NTM: variants seen among roughly 807,000 people sequenced by gnomAD.
NTM encodes the protein IgLON family member 2.
A neutral mutation model predicts 42.1 loss-of-function variants in NTM; 13 were observed. That is an observed-to-expected ratio of 0.31 (90% CI 0.20 to 0.49). NTM has a LOEUF of 0.49. Ranked by LOEUF, NTM falls within the 20% of genes least tolerant of loss-of-function variation. The probability of loss-of-function intolerance (pLI) is 0.99; values close to 1 mark genes in which losing one functional copy is unlikely to be tolerated. For synonymous variants in NTM, 187 were observed against 179.2 expected, an observed-to-expected ratio of 1.04 and a Z score of -0.35; for missense variants, 373 against 452.8, an observed-to-expected ratio of 0.82 and a Z score of 1.60.
intron 4 of NTM, among the ~76,000 whole-genome samples, chr11:132,233,221 A>AT (rs11461644): frequency 6.6e-6 from 1 of 151,850 alleles, no homozygotes; most frequent in African/African-American, 2.4e-5. Flanking sequence ...GTTCAAGACC[A>AT]CCTGGCCAAC....
intron 1 of NTM, among the ~76,000 whole-genome samples, chr11:131,708,735 A>T (rs1363744837): frequency 1.3e-5 from 2 of 152,172 alleles, no homozygotes; most frequent in Non-Finnish European, 2.9e-5. Context: ...ATATGTTTTT[A>T]TGGGCATAAA....
At chr11:132,086,060 C>T (rs1235148999) in intron 2 of NTM, among the ~76,000 whole-genome samples, 1 of 152,080 alleles carries the variant, frequency 6.6e-6, no homozygotes, top group Non-Finnish European at 1.5e-5. Context: ...CACGGTGGCT[C>T]ACGCCTGTAA....
At chr11:131,390,467 C>A (rs192691977) in intron 1 of NTM, among the ~76,000 whole-genome samples, 8 of 152,188 alleles carry the variant, frequency 5.3e-5, no homozygotes, top group African/African-American at 1.9e-4. Context: ...TTGAAGCAAA[C>A]CAGAAAAATA....
intron 2 of NTM, among the ~76,000 whole-genome samples, chr11:131,959,585 G>A (rs758077033): frequency 6.6e-6 from 1 of 152,210 alleles, no homozygotes; most frequent in Non-Finnish European, 1.5e-5. Context: ...GCAGTGAGTT[G>A]TGGTCACACC....
At chr11:131,769,606 T>C in intron 1 of NTM, 4 of 981,996 alleles carry the variant, frequency 4.1e-6, no homozygotes, top group Non-Finnish European at 4.8e-6. Context: ...CTGTCCTGCA[T>C]GAGCTCCACA....
chr11:131,777,130 A>C (rs989790613), intron 1 of NTM: 3 of 854,106 alleles, frequency 3.5e-6, no homozygotes, highest in Non-Finnish European at 4.2e-6. Context: ...CAGTGTATTT[A>C]TATATATTGC....
intron 2 of NTM, among the ~76,000 whole-genome samples, chr11:132,076,526 T>C (rs11222902): frequency 0.029 from 4,409 of 152,146 alleles, 99 homozygotes; most frequent in South Asian, 0.11. Context: ...TCTTGGAGAG[T>C]GGGGAAATTT....
intron 4 of NTM, among the ~76,000 whole-genome samples, chr11:132,292,409 C>T (rs1425769824): frequency 6.6e-6 from 1 of 152,106 alleles, no homozygotes; most frequent in Non-Finnish European, 1.5e-5. Context: ...CTCCTCCGGC[C>T]CCTCCCCCAC....
At chr11:131,863,711 A>C (rs745385833) in intron 1 of NTM, among the ~76,000 whole-genome samples, 38 of 152,112 alleles carry the variant, frequency 2.5e-4, no homozygotes, top group Non-Finnish European at 1.5e-4. Flanking sequence ...ATGAGCACAG[A>C]CTCAGGTCCC....
At chr11:131,893,062 G>T (rs1239849619) in intron 1 of NTM, among the ~76,000 whole-genome samples, 1 of 152,200 alleles carries the variant, frequency 6.6e-6, no homozygotes. Context: ...GAAAAACCAA[G>T]AACTTTATAG....
chr11:131,783,629 CA>C (rs150010630), intron 1 of NTM, among the ~76,000 whole-genome samples: 3,815 of 152,128 alleles, frequency 0.025, 163 homozygotes, highest in African/African-American at 0.088. Flanking sequence ...ATGTCATACA[CA>C]AAAACTCAAC....
At chr11:132,320,717 G>A (rs1323232651) in intron 7 of NTM, among the ~76,000 whole-genome samples, 1 of 151,994 alleles carries the variant, frequency 6.6e-6, no homozygotes, top group Non-Finnish European at 1.5e-5. Flanking sequence ...TCCACCTCTG[G>A]GGGCAGGGCA....
At chr11:131,657,337 T>C (rs1176609784) in intron 1 of NTM, among the ~76,000 whole-genome samples, 1 of 152,174 alleles carries the variant, frequency 6.6e-6, no homozygotes, top group East Asian at 1.9e-4. Flanking sequence ...AGAAGAACTA[T>C]GCCGTGCAGG....
chr11:131,916,901 C>G (rs561449045), intron 2 of NTM, among the ~76,000 whole-genome samples: 1 of 152,210 alleles, frequency 6.6e-6, no homozygotes. Context: ...CTGGGAACAC[C>G]CCTACCCTGA....
At chr11:132,314,438 A>G (rs1236488328) in intron 6 of NTM, 114 bp from the exon 7 acceptor site, 4 of 1,144,962 alleles carry the variant, frequency 3.5e-6, no homozygotes, top group African/African-American at 1.5e-5. Flanking sequence ...TAATGGTTAT[A>G]ATGATGTCAG....
chr11:132,257,131 T>G (rs2092547909), intron 4 of NTM, among the ~76,000 whole-genome samples: 1 of 152,160 alleles, frequency 6.6e-6, no homozygotes, highest in Admixed American at 6.5e-5. Context: ...AGTTTTGACT[T>G]ATTGCATGAA....
chr11:132,324,060 G>A (rs2095628030), intron 7 of NTM, among the ~76,000 whole-genome samples: 3 of 120,188 alleles, frequency 2.5e-5, no homozygotes, highest in Non-Finnish European at 3.4e-5. Flanking sequence ...CAAACCCACA[G>A]CCAATATCAT....
chr11:132,024,282 G>C lies in NTM; in HGVS notation c.167+112634G>C, dbSNP rs572418272. On this transcript the variant is annotated intron_variant, in intron 2 of 8. Transcript: ENST00000683400. ...GGTCAGTGTCTGCCACTGTGTTCCT[G>C]ACCTACAGACTTGAAAGGCTTGTGC... Among the ~76,000 whole-genome samples the C allele has an allele frequency of 6.8e-4, 104 of 152,248 alleles. 6 individuals carry two copies. In the South Asian group the frequency reaches 0.021, roughly 30 times the overall value.
intron 1 of NTM, among the ~76,000 whole-genome samples, chr11:131,658,960 A>G (rs2067589147): frequency 6.6e-6 from 1 of 152,186 alleles, no homozygotes; most frequent in Non-Finnish European, 1.5e-5. Flanking sequence ...TGACAGAGCG[A>G]GACTCCAAAA....
Sources: gnomAD v4.1 joint callset for allele counts (sites outside exome capture counted in the v4.1 genomes callset) on GRCh38, gnomAD v4.1.1 for gene constraint, MANE v1.5 for transcripts, NCBI Gene and HGNC (gene_info 2026-07-23, HGNC 2026-07-21) for gene names.